The following CSMD1 variants were observed in gnomAD, a reference collection of about 807,000 sequenced individuals.
CSMD1 encodes the protein CUB and Sushi multiple domains 1.
Under a neutral mutation model 417.5 loss-of-function variants are expected in CSMD1, and 213 were observed. That is an observed-to-expected ratio of 0.51 (90% CI 0.46 to 0.57). The LOEUF (loss-of-function observed/expected upper bound fraction) is 0.57. CSMD1 is among the 20% of genes least tolerant of loss of function. The pLI is 0.00. For missense variants in CSMD1, 6,923 were observed against 4,529.7 expected (o/e 1.53, Z -15.17); for synonymous variants, 2,862 against 1,736.8 (o/e 1.65, Z -16.11).
chr8:3,993,897 C>T (rs17068456), intron 5 of CSMD1, among the ~76,000 whole-genome samples: 7,327 of 152,202 alleles, frequency 0.048, 472 homozygotes, highest in African/African-American at 0.14. Flanking sequence ...AGGCAGTGGG[C>T]GATTTCCACG....
chr8:4,525,050 T>G (rs1796446847), intron 2 of CSMD1, among the ~76,000 whole-genome samples: 1 of 152,162 alleles, frequency 6.6e-6, no homozygotes, highest in African/African-American at 2.4e-5. Flanking sequence ...TATTTTCTGT[T>G]AACGATGTCA....
chr8:4,954,038 G>T (rs572121389), intron 1 of CSMD1, among the ~76,000 whole-genome samples: 2 of 152,060 alleles, frequency 1.3e-5, no homozygotes, highest in Non-Finnish European at 2.9e-5. Context: ...CTGTTAAAAA[G>T]AATTGAGTGC....
At chr8:4,128,790 G>C (rs551359970) in intron 3 of CSMD1, among the ~76,000 whole-genome samples, 2 of 152,140 alleles carry the variant, frequency 1.3e-5, no homozygotes, top group African/African-American at 4.8e-5. Context: ...ATCCTTGCTG[G>C]ATACTTATAT....
intron 22 of CSMD1, among the ~76,000 whole-genome samples, chr8:3,347,563 A>G (rs752021576): frequency 1.2e-4 from 18 of 152,186 alleles, no homozygotes; most frequent in Non-Finnish European, 2.4e-4. Flanking sequence ...AAGATTAACT[A>G]CAGAAAGGGT....
chr8:4,480,424 A>C (rs2130123812), intron 2 of CSMD1, among the ~76,000 whole-genome samples: 1 of 152,314 alleles, frequency 6.6e-6, no homozygotes, highest in Admixed American at 6.5e-5. Context: ...TAACATCCTT[A>C]TCTCGAGTCT....
At chr8:4,658,451 T>A (rs899122152) in intron 1 of CSMD1, among the ~76,000 whole-genome samples, 8 of 152,176 alleles carry the variant, frequency 5.3e-5, no homozygotes, top group African/African-American at 1.4e-4. Flanking sequence ...GCAGTATATT[T>A]TTAAAGCAGT....
chr8:3,341,905 C>T (rs1316452839), intron 23 of CSMD1, among the ~76,000 whole-genome samples: 1 of 152,122 alleles, frequency 6.6e-6, no homozygotes, highest in Non-Finnish European at 1.5e-5. Context: ...AACATCTCGA[C>T]AGGGACGAGA....
chr8:4,234,695 G>A (rs750061953), intron 3 of CSMD1, among the ~76,000 whole-genome samples: 27 of 152,122 alleles, frequency 1.8e-4, no homozygotes, highest in Non-Finnish European at 3.2e-4. Context: ...ATGAATGAAT[G>A]GTGTGGTGTA....
At chr8:4,195,881 G>A (rs1363269278) in intron 3 of CSMD1, among the ~76,000 whole-genome samples, 4 of 152,066 alleles carry the variant, frequency 2.6e-5, no homozygotes, top group African/African-American at 7.2e-5. Flanking sequence ...TTACGGCAGA[G>A]GACTCAGCAC....
intron 3 of CSMD1, among the ~76,000 whole-genome samples, chr8:4,212,602 G>A (rs1206498223): frequency 6.6e-6 from 1 of 151,902 alleles, no homozygotes; most frequent in African/African-American, 2.4e-5. Flanking sequence ...GTAGGTGGTA[G>A]TTATCTAAAC....
At chr8:4,747,132 G>T (rs1363231087) in intron 1 of CSMD1, among the ~76,000 whole-genome samples, 8 of 152,162 alleles carry the variant, frequency 5.3e-5, no homozygotes, top group African/African-American at 1.7e-4. Context: ...CTCCTAAGAG[G>T]TTGAAGAGAT....
chr8:3,621,614 A>T (rs553458021), intron 7 of CSMD1, among the ~76,000 whole-genome samples: 24 of 151,826 alleles, frequency 1.6e-4, no homozygotes, highest in African/African-American at 5.1e-4. Context: ...TTTTTTTGAG[A>T]CAGAATCTTG....
At chr8:3,450,503 T>C (rs1248246814) in intron 12 of CSMD1, among the ~76,000 whole-genome samples, 5 of 150,472 alleles carry the variant, frequency 3.3e-5, no homozygotes, top group Non-Finnish European at 7.4e-5. Flanking sequence ...GATGTTCCCC[T>C]TCCTGTGTCC....
In CSMD1 at chr8:3,918,920, G is replaced by C. The variant is rs370415514; in HGVS notation, c.818+78983C>G. Among the ~76,000 whole-genome samples the C allele has an allele frequency of 5.4e-4, 77 of 141,478 alleles. 1 individual carries two copies. Among genetic ancestry groups the C allele is most frequent in the African/African-American group, 1.7e-3 (69 of 39,684 alleles). 92.8% of individuals were successfully genotyped at this position (141,478 alleles called of 152,430 possible). On this transcript the variant is annotated intron_variant, in intron 5 of 69. Coordinates refer to ENST00000635120, the MANE Select transcript of CSMD1 (RefSeq NM_033225.6). The stretch of plus-strand genomic sequence containing the variant: ...GTGAAGGATAAAAGACTACAAACTG[G>C]GTTCAGTGTGGGCTGCTCGGGTGAT...
intron 2 of CSMD1, among the ~76,000 whole-genome samples, chr8:4,619,107 G>C (rs1801632607): frequency 6.6e-6 from 1 of 152,082 alleles, no homozygotes; most frequent in Admixed American, 6.6e-5. Flanking sequence ...TATCCTGGTT[G>C]AATTTCTCTA....
At chr8:2,946,523 G>C (rs1802249855) in intron 68 of CSMD1, among the ~76,000 whole-genome samples, 3 of 152,020 alleles carry the variant, frequency 2.0e-5, no homozygotes, top group South Asian at 2.1e-4. Flanking sequence ...TCCTTCACTT[G>C]GCATGACGTT....
At chr8:3,215,106 C>G (rs1356598313) in intron 29 of CSMD1, among the ~76,000 whole-genome samples, 2 of 152,114 alleles carry the variant, frequency 1.3e-5, no homozygotes, top group African/African-American at 4.8e-5. Flanking sequence ...TAAAATCATT[C>G]CACACCTTTC....
intron 3 of CSMD1, among the ~76,000 whole-genome samples, chr8:4,296,325 A>T (rs746745483): frequency 1.3e-5 from 2 of 152,134 alleles, no homozygotes; most frequent in Non-Finnish European, 2.9e-5. Flanking sequence ...TAAATTCTAT[A>T]GTTCAGGGAT....
chr8:3,306,825 GCTTA>G (rs1804892162), intron 25 of CSMD1, among the ~76,000 whole-genome samples: 1 of 27,598 alleles, frequency 3.6e-5, no homozygotes, highest in Non-Finnish European at 8.3e-5. Context: ...ATCACCAAGA[GCTTA>G]CTTTAAAAAT....
Sources: gnomAD v4.1 joint callset for allele counts (sites outside exome capture counted in the v4.1 genomes callset) on GRCh38, gnomAD v4.1.1 for gene constraint, MANE v1.5 for transcripts, NCBI Gene and HGNC (gene_info 2026-07-23, HGNC 2026-07-21) for gene names.